DLG3: variants seen among roughly 807,000 people sequenced by gnomAD.
The protein encoded by DLG3 is disks large homolog 3.
A neutral mutation model predicts 64.1 loss-of-function variants in DLG3; 1 was observed. The observed-to-expected ratio is 0.02, with a 90% CI of 0.01 to 0.07. DLG3 has a LOEUF of 0.07. Ranked by LOEUF, DLG3 falls within the 10% of genes least tolerant of loss-of-function variation. DLG3 has a pLI of 1.00. For missense variants in DLG3, 429 were observed against 669.5 expected (o/e 0.64, Z 3.96); for synonymous variants, 245 against 259.8 (o/e 0.94, Z 0.55).
In DLG3 at chrX:70,503,990, ATGT is replaced by A. The variant is rs1156734602; in HGVS notation, c.*1724_*1726del. The A allele has an allele frequency of 9.0e-6, 1 of 111,642 alleles. No homozygotes were observed. Among genetic ancestry groups the A allele is most frequent in the Non-Finnish European group, 1.9e-5 (1 of 53,084 alleles). 9.2% of individuals were successfully genotyped at this position (111,642 alleles called of 1,213,427 possible). The stretch of plus-strand genomic sequence containing the variant: ...GGTTAGGGCTGGTGCAAGCGAGGCA[ATGT>A]TGAGGATGCTTTAAGCACTACCAGC... On this transcript the variant is annotated 3_prime_UTR_variant, in exon 19 of 19. Coordinates refer to ENST00000374360, the MANE Select transcript of DLG3 (RefSeq NM_021120.4).
chrX:70,503,917 G>C lies in DLG3; in HGVS notation c.*1648G>C, dbSNP rs979207533. 9.0e-6 allele frequency: 1 copy of C among 111,438 alleles called. No individual in the cohort carries two copies. Among genetic ancestry groups the C allele is most frequent in the African/African-American group, 3.3e-5 (1 of 30,519 alleles). The allele number at this position is 111,438 out of a possible 1,213,427, so 9.2% of individuals were successfully genotyped here. On this transcript the variant is annotated 3_prime_UTR_variant, in exon 19 of 19. Coordinates refer to ENST00000374360, the MANE Select transcript of DLG3 (RefSeq NM_021120.4). ...TGGAGGGACGACGCAGGGGAGAACA[G>C]AGAAGTGCTTGGCCCTAGGATTGAG...
At chrX:70,499,537 G>A (rs1441174773) in intron 15 of DLG3, among the ~76,000 whole-genome samples, 1 of 111,664 alleles carries the variant, frequency 9.0e-6, no homozygotes, top group Admixed American at 9.5e-5. Flanking sequence ...AAATACGGAG[G>A]CCCAGCCAAA....
At chrX:70,455,346 C>T (rs1317739745) in intron 9 of DLG3, 1 of 751,768 alleles carries the variant, frequency 1.3e-6, no homozygotes, top group African/African-American at 2.3e-5. Flanking sequence ...TCTTTTCCAA[C>T]ACTGCGTGCC....
chrX:70,480,200 G>A (rs73216728), intron 10 of DLG3, among the ~76,000 whole-genome samples: 4,183 of 112,143 alleles, frequency 0.037, 84 homozygotes, highest in East Asian at 0.12. Context: ...CTCTTGGGCT[G>A]AACTTTTTCT....
chrX:70,482,673 T>TTTTTTG (rs1371681734), intron 10 of DLG3, among the ~76,000 whole-genome samples: 3 of 88,791 alleles, frequency 3.4e-5, no homozygotes, highest in East Asian at 3.2e-4. Flanking sequence ...TTTTTTTTTT[T>TTTTTTG]TTTTTTTTTT....
rs1223144233 is a variant in DLG3 at position 70,502,056 on chromosome X, AG to A, written c.2348-102del. ...GAACATGTCCTTCATGTGAGGGGTG[AG>A]GGGGTGGAGGGGGGACTTGTAGGAT... On this transcript the variant is annotated intron_variant, in intron 18 of 18. Transcript: ENST00000374360. 4 of 582,585 alleles carry A rather than the reference AG, an allele frequency of 6.9e-6. No homozygotes were observed. In the South Asian group the frequency reaches 1.0e-4, roughly 15 times the overall value. 48.0% of individuals were successfully genotyped at this position (582,585 alleles called of 1,213,427 possible).
chrX:70,469,066 A>T lies in DLG3; in HGVS notation c.1406-10084A>T, dbSNP rs752280979. ...TACTCTGACACCCAGGCTGGAGTGC[A>T]GTGGTGTGATCATAGCTCCCTGTAG... On this transcript the variant is annotated intron_variant, in intron 9 of 18. Transcript: ENST00000374360. Among the ~76,000 whole-genome samples the T allele has an allele frequency of 6.1e-4, 68 of 111,400 alleles. 1 individual carries two copies. The highest frequency in any genetic ancestry group is 2.1e-3 in the African/African-American group (65 of 30,655).
Position 70,486,746 on chromosome X carries a change from C to T in DLG3, c.1521-5361C>T, listed in dbSNP as rs111378441. Among the ~76,000 whole-genome samples the T allele has an allele frequency of 6.6e-3, 719 of 108,259 alleles. 10 individuals carry two copies. The highest frequency in any genetic ancestry group is 0.023 in the African/African-American group (674 of 29,478). The allele number at this position is 108,259 out of a possible 115,157, so 94.0% of individuals were successfully genotyped here. On this transcript the variant is annotated intron_variant, in intron 10 of 18. Transcript: ENST00000374360. ...GTGGGCCTTGCATGTGTAGGACTTCCGTCCTGGGACAGTGGTTCAGCCTGA... is the reference window on the plus strand; with the variant it reads ...GTGGGCCTTGCATGTGTAGGACTTCTGTCCTGGGACAGTGGTTCAGCCTGA...
chrX:70,486,869 C>G (rs1409985060), intron 10 of DLG3, among the ~76,000 whole-genome samples: 1 of 110,448 alleles, frequency 9.1e-6, no homozygotes, highest in Non-Finnish European at 1.9e-5. Context: ...AAAAGGTATT[C>G]CTTCTTCCTC....
intron 8 of DLG3, 138 bp downstream of exon 8, chrX:70,453,931 A>G (rs2086657460): frequency 3.1e-6 from 2 of 635,770 alleles, no homozygotes; most frequent in Non-Finnish European, 4.7e-6. Context: ...TCTTGTTTTT[A>G]TAGACATCCT....
In DLG3 at chrX:70,500,322, C is replaced by G. The variant is rs41306139; in HGVS notation, c.2146-149C>G. 95,483 of 552,799 alleles carry G rather than the reference C, an allele frequency of 0.17. 6,656 individuals are homozygous for G. The highest frequency in any genetic ancestry group is 0.2 in the Non-Finnish European group (65,908 of 325,996). 45.6% of individuals were successfully genotyped at this position (552,799 alleles called of 1,213,427 possible). ...AGTAGGGCCTGTCTACTTCAGAGAT[C>G]GAATTTCTTAGGCCACTTTGGGTGG... On this transcript the variant is annotated intron_variant, in intron 16 of 18. Transcript: ENST00000374360.
rs1239145174 is a variant in DLG3, at chrX:70,447,121, G to T, written c.357+1563G>T. ...GCTGGGAGACAGGTGGCAATCCCAG[G>T]CTGGGCCAGTTGGCCAAGGTTTCTT... On this transcript the variant is annotated intron_variant, in intron 1 of 18. Transcript: ENST00000374360. Among the ~76,000 whole-genome samples the T allele has an allele frequency of 2.7e-5, 3 of 110,891 alleles. No individual in the cohort carries two copies. In the East Asian group the frequency reaches 8.6e-4, roughly 32 times the overall value.
chrX:70,490,640 A>G (rs1223143652), intron 10 of DLG3, among the ~76,000 whole-genome samples: 1 of 112,389 alleles, frequency 8.9e-6, no homozygotes, highest in African/African-American at 3.2e-5. Flanking sequence ...ACTACATCCT[A>G]TCTCATTTGG....
chrX:70,457,546 G>T (rs766465375), intron 9 of DLG3, among the ~76,000 whole-genome samples: 45 of 110,400 alleles, frequency 4.1e-4, no homozygotes, highest in African/African-American at 1.0e-3. Flanking sequence ...GTATAGTTGT[G>T]CCTCCATCAC....
rs181064092 is a variant in DLG3, at chrX:70,500,670, T to G, written c.2255+90T>G. 2.1e-3 allele frequency: 1,714 copies of G among 827,325 alleles called. 16 individuals are homozygous for G. The African/African-American group carries it at 0.03, about 14-fold the overall frequency. 68.2% of individuals were successfully genotyped at this position (827,325 alleles called of 1,213,427 possible). A position where few individuals can be genotyped will look rare whatever the true frequency, so the allele number is the denominator to read the frequency against. On this transcript the variant is annotated intron_variant, in intron 17 of 18. Coordinates refer to ENST00000374360, the MANE Select transcript of DLG3 (RefSeq NM_021120.4). Reference sequence around the variant, plus strand: ...AGAAAGTGATTTGCTGGGCAGAAACTTGAAAGAAACTCTGTGCCCCAGCTC... The same window carrying G: ...AGAAAGTGATTTGCTGGGCAGAAACGTGAAAGAAACTCTGTGCCCCAGCTC...
At chrX:70,495,307 C>A in intron 12 of DLG3, 101 bp from the exon 13 acceptor site, 3 of 789,122 alleles carry the variant, frequency 3.8e-6, no homozygotes, top group Non-Finnish European at 5.8e-6. Context: ...TTTTTCTCTT[C>A]TCCCCAAATC....
chrX:70,452,527 C>A (rs2086630985), intron 7 of DLG3: 1 of 1,152,237 alleles, frequency 8.7e-7, no homozygotes, highest in Non-Finnish European at 1.2e-6. Flanking sequence ...GCTGGGGTTC[C>A]GGGGGACAGG....
At chrX:70,485,678 C>T (rs1328922570) in intron 10 of DLG3, among the ~76,000 whole-genome samples, 1 of 112,116 alleles carries the variant, frequency 8.9e-6, no homozygotes, top group Non-Finnish European at 1.9e-5. Flanking sequence ...GCTTTGCGTT[C>T]CGGTTCATTA....
intron 10 of DLG3, among the ~76,000 whole-genome samples, chrX:70,485,364 G>A (rs1026680129): frequency 1.8e-5 from 2 of 111,990 alleles, no homozygotes; most frequent in African/African-American, 6.5e-5. Context: ...TATAAAGAAA[G>A]GTTGCTGCCA....
Sources: gnomAD v4.1 joint callset for allele counts (sites outside exome capture counted in the v4.1 genomes callset) on GRCh38, gnomAD v4.1.1 for gene constraint, MANE v1.5 for transcripts, NCBI Gene and HGNC (gene_info 2026-07-23, HGNC 2026-07-21) for gene names.